MYLK: variants seen among roughly 807,000 people sequenced by gnomAD.
MYLK encodes myosin light chain kinase.
MYLK carries 106 observed loss-of-function variants against 203.4 expected under a neutral mutation model. That is an observed-to-expected ratio of 0.52 (90% CI 0.45 to 0.61). The LOEUF is 0.61. Among genes scored for constraint, MYLK ranks in the 20% least tolerant of loss-of-function variants. The probability of loss-of-function intolerance (pLI) is 0.00; values close to 1 mark genes in which losing one functional copy is unlikely to be tolerated. For missense variants in MYLK, 2,072 were observed against 2,442.3 expected (o/e 0.85, Z 3.20); for synonymous variants, 867 against 959.5 (o/e 0.90, Z 1.78).
intron 5 of MYLK, among the ~76,000 whole-genome samples, chr3:123,743,757 C>A (rs991145759): frequency 2.0e-5 from 3 of 152,182 alleles, no homozygotes; most frequent in African/African-American, 7.2e-5. Flanking sequence ...GTAGACCTAG[C>A]TCTGTTTGTC....
At chr3:123,699,760 C>T (rs2061101988) in intron 18 of MYLK, among the ~76,000 whole-genome samples, 1 of 152,240 alleles carries the variant, frequency 6.6e-6, no homozygotes, top group African/African-American at 2.4e-5. Flanking sequence ...GAGATGTGGG[C>T]ATGTGCCACA....
At chr3:123,678,457 CCTTG>C (rs1004937697) in intron 20 of MYLK, among the ~76,000 whole-genome samples, 26 of 152,190 alleles carry the variant, frequency 1.7e-4, no homozygotes, top group African/African-American at 6.3e-4. Context: ...CTCACCCCGT[CCTTG>C]CTTGGGTTGG....
intron 19 of MYLK, among the ~76,000 whole-genome samples, chr3:123,685,950 C>T (rs2060438301): frequency 1.3e-5 from 2 of 152,190 alleles, no homozygotes; most frequent in South Asian, 4.1e-4. Context: ...GGTGGCCGCG[C>T]TCCACTTGAA....
intron 20 of MYLK, among the ~76,000 whole-genome samples, chr3:123,678,911 A>G (rs2060163400): frequency 6.6e-6 from 1 of 152,210 alleles, no homozygotes; most frequent in Non-Finnish European, 1.5e-5. Flanking sequence ...GTATATTTCT[A>G]TATTGTTTAA....
At chr3:123,666,833 T>C (rs1280281064) in intron 21 of MYLK, 2 of 577,086 alleles carry the variant, frequency 3.5e-6, no homozygotes, top group Non-Finnish European at 6.2e-6. Context: ...GGGCAGAGGA[T>C]GGACAGCAGG....
chr3:123,629,397 A>G lies in MYLK; in HGVS notation c.5114+77T>C. On this transcript the variant is annotated intron_variant, in intron 30 of 33. Coordinates refer to ENST00000360304, the MANE Select transcript of MYLK (RefSeq NM_053025.4). The surrounding 1 kb of genome is among the most constrained non-coding windows in gnomAD (Gnocchi z 4.4). ...GGGGTGGCAAGGAGGGCACCCCAAC[A>G]GGCAAAGGAATCCCCCTTTGCTTCC... is the stretch of plus-strand genomic sequence containing the variant. 6.3e-7 allele frequency: 1 copy of G among 1,584,288 alleles called. No individual in the cohort carries two copies. Among genetic ancestry groups the G allele is most frequent in the Non-Finnish European group, 8.6e-7 (1 of 1,156,946 alleles).
chr3:123,817,152 GATATTTTTAGTTTCTCCTGAC>G, intron 3 of MYLK, among the ~76,000 whole-genome samples: 1 of 152,288 alleles, frequency 6.6e-6, no homozygotes, highest in Admixed American at 6.5e-5. Context: ...GGGTTATGAG[GATATTTTTAGTTTCTCCTGAC>G]ATCTAGGATA....
chr3:123,875,718 TGAAAA>T (rs1010297073), intron 2 of MYLK, among the ~76,000 whole-genome samples: 1 of 152,242 alleles, frequency 6.6e-6, no homozygotes, highest in Non-Finnish European at 1.5e-5. Context: ...GATGCAGCAT[TGAAAA>T]GAAAAGTTAT....
chr3:123,678,079 A>C (rs1329890578), intron 20 of MYLK, among the ~76,000 whole-genome samples: 1 of 151,408 alleles, frequency 6.6e-6, no homozygotes, highest in African/African-American at 2.4e-5. Context: ...GTTCATCCCT[A>C]AAATGGGAAC....
chr3:123,737,221 G>T, intron 8 of MYLK, 157 bp downstream of exon 8: 2 of 659,260 alleles, frequency 3.0e-6, no homozygotes, highest in South Asian at 3.7e-5. Flanking sequence ...TCTGTCTGAA[G>T]AGAAAAAAAA....
chr3:123,867,827 C>T (rs2032441472), intron 2 of MYLK, among the ~76,000 whole-genome samples: 1 of 152,228 alleles, frequency 6.6e-6, no homozygotes, highest in Non-Finnish European at 1.5e-5. Flanking sequence ...CAGTCTTCCT[C>T]CCTACAGTCC....
intron 5 of MYLK, among the ~76,000 whole-genome samples, chr3:123,742,679 T>C (rs1333756274): frequency 6.6e-6 from 1 of 152,178 alleles, no homozygotes; most frequent in African/African-American, 2.4e-5. Flanking sequence ...CCCACACTAC[T>C]GTATCACTCA....
At chr3:123,787,401 TAGA>T (rs1326149171) in intron 4 of MYLK, among the ~76,000 whole-genome samples, 2 of 152,238 alleles carry the variant, frequency 1.3e-5, no homozygotes, top group South Asian at 4.2e-4. Flanking sequence ...CACAGGACCC[TAGA>T]AGAAGTACAC....
At chr3:123,808,481 G>T (rs569059670) in intron 3 of MYLK, among the ~76,000 whole-genome samples, 2 of 152,152 alleles carry the variant, frequency 1.3e-5, no homozygotes, top group Admixed American at 1.3e-4. Flanking sequence ...AAAAAATTCA[G>T]ATCATTGTAT....
chr3:123,740,031 C>A, intron 5 of MYLK, 30 bp from the exon 6 acceptor site: 1 of 1,613,008 alleles, frequency 6.2e-7, no homozygotes, highest in South Asian at 1.1e-5. Context: ...TGAGTCAGGT[C>A]TGAGCCACCA....
At chr3:123,687,083 G>A (rs532355218) in intron 19 of MYLK, among the ~76,000 whole-genome samples, 7 of 152,248 alleles carry the variant, frequency 4.6e-5, no homozygotes, top group South Asian at 2.1e-4. Flanking sequence ...TTAGCTGGGC[G>A]TGTTGGCGGG....
chr3:123,663,114 C>T (rs2059618093), intron 23 of MYLK, among the ~76,000 whole-genome samples: 1 of 152,206 alleles, frequency 6.6e-6, no homozygotes, highest in South Asian at 2.1e-4. Flanking sequence ...GCTCATTCTT[C>T]TGCTGTCCCA....
At chr3:123,858,432 G>A (rs2031601387) in intron 2 of MYLK, among the ~76,000 whole-genome samples, 1 of 152,084 alleles carries the variant, frequency 6.6e-6, no homozygotes, top group African/African-American at 2.4e-5. Context: ...CAGAAACTAA[G>A]GAGTAAGAAA....
At chr3:123,753,422 T>C (rs1402351092) in intron 4 of MYLK, among the ~76,000 whole-genome samples, 1 of 152,032 alleles carries the variant, frequency 6.6e-6, no homozygotes, top group African/African-American at 2.4e-5. Context: ...AGCTGACATT[T>C]GCTGAGTGCT....
Sources: allele counts gnomAD v4.1 joint callset (sites outside exome capture counted in the v4.1 genomes callset), GRCh38; gene constraint gnomAD v4.1.1; non-coding constraint Gnocchi (gnomAD v3.1); transcripts MANE v1.5; gene names NCBI Gene and HGNC (gene_info 2026-07-23, HGNC 2026-07-21).